The following PGCKA1 variants were observed in gnomAD, a reference collection of about 807,000 sequenced individuals.
The protein encoded by PGCKA1 is PDCD10 and GCKIII kinases-associated protein 1.
the PGCKA1 span, among the ~76,000 whole-genome samples, chr4:37,563,006 T>G: frequency 2.0e-5 from 3 of 152,214 alleles, no homozygotes; most frequent in African/African-American, 7.2e-5. Context: ...CTATTTTTAC[T>G]GTACTTTAAA....
At chr4:37,590,464 C>T in the PGCKA1 span, 1 of 1,610,720 alleles carries the variant, frequency 6.2e-7, no homozygotes, top group African/African-American at 1.3e-5. Flanking sequence ...TCAACCCTTC[C>T]TGGAAGGAGG....
At chr4:37,538,397 A>G in the PGCKA1 span, among the ~76,000 whole-genome samples, 2 of 152,260 alleles carry the variant, frequency 1.3e-5, no homozygotes, top group African/African-American at 2.4e-5. Context: ...GATAAAATCC[A>G]AAGGGCATTG....
At chr4:37,509,265 C>A in the PGCKA1 span, among the ~76,000 whole-genome samples, 5 of 129,896 alleles carry the variant, frequency 3.8e-5, 1 homozygote, top group Non-Finnish European at 8.3e-5. Flanking sequence ...CAGGCAGAGG[C>A]GCCCCCCACC....
chr4:37,462,962 CAAAAAAAAAA>C, the PGCKA1 span, among the ~76,000 whole-genome samples: 1 of 60,318 alleles, frequency 1.7e-5, no homozygotes, highest in Non-Finnish European at 3.1e-5. Context: ...GACTCAGTAT[CAAAAAAAAAA>C]AAAAAAAAAA....
chr4:37,561,103 G>C, the PGCKA1 span, among the ~76,000 whole-genome samples: 3 of 152,130 alleles, frequency 2.0e-5, no homozygotes, highest in African/African-American at 7.2e-5. Flanking sequence ...TCCTTGATAT[G>C]AAATTCAGGT....
chr4:37,556,314 C>T, the PGCKA1 span, among the ~76,000 whole-genome samples: 70 of 152,000 alleles, frequency 4.6e-4, no homozygotes, highest in African/African-American at 1.6e-3. Flanking sequence ...GTTGCCCAGG[C>T]AGGAGTGCAG....
At chr4:37,515,339 C>T in the PGCKA1 span, among the ~76,000 whole-genome samples, 1 of 152,120 alleles carries the variant, frequency 6.6e-6, no homozygotes, top group Admixed American at 6.6e-5. Context: ...ATCTATGGTA[C>T]TTTATTACAG....
chr4:37,517,199 C>T, the PGCKA1 span, among the ~76,000 whole-genome samples: 1 of 150,404 alleles, frequency 6.6e-6, no homozygotes, highest in African/African-American at 2.4e-5. Context: ...TGCAGTGAGC[C>T]GAGATCATGC....
chr4:37,546,790 C>T, the PGCKA1 span, among the ~76,000 whole-genome samples: 9 of 152,232 alleles, frequency 5.9e-5, no homozygotes, highest in African/African-American at 1.2e-4. Context: ...CTGAGTGACG[C>T]GATCCAAAGA....
the PGCKA1 span, among the ~76,000 whole-genome samples, chr4:37,543,632 G>C: frequency 6.6e-6 from 1 of 150,994 alleles, no homozygotes; most frequent in Non-Finnish European, 1.5e-5. Flanking sequence ...ACGAGGTCAG[G>C]AGATTGAGAC....
At chr4:37,476,952 A>C in the PGCKA1 span, among the ~76,000 whole-genome samples, 3 of 152,150 alleles carry the variant, frequency 2.0e-5, no homozygotes, top group Non-Finnish European at 2.9e-5. Context: ...TGCTGGTGGG[A>C]ATGTAATATG....
chr4:37,506,926 C>T, the PGCKA1 span, among the ~76,000 whole-genome samples: 1 of 152,096 alleles, frequency 6.6e-6, no homozygotes, highest in African/African-American at 2.4e-5. Context: ...CTCTCTTTAG[C>T]TCTAATAATA....
At chr4:37,535,174 G>A in the PGCKA1 span, among the ~76,000 whole-genome samples, 29 of 152,302 alleles carry the variant, frequency 1.9e-4, no homozygotes, top group African/African-American at 6.0e-4. Context: ...AGAGAAGGCT[G>A]TCCATGGACA....
At chr4:37,557,124 A>G in the PGCKA1 span, among the ~76,000 whole-genome samples, 1 of 152,272 alleles carries the variant, frequency 6.6e-6, no homozygotes, top group African/African-American at 2.4e-5. Flanking sequence ...TCTAATAATC[A>G]TGGAGAAGTG....
chr4:37,567,435 A>G, the PGCKA1 span, among the ~76,000 whole-genome samples: 1 of 152,228 alleles, frequency 6.6e-6, no homozygotes, highest in Non-Finnish European at 1.5e-5. Flanking sequence ...CATAAACTGT[A>G]ACTATCATCA....
At chr4:37,479,898 A>C in the PGCKA1 span, among the ~76,000 whole-genome samples, 1 of 152,360 alleles carries the variant, frequency 6.6e-6, no homozygotes, top group Admixed American at 6.5e-5. Flanking sequence ...CAATAGGCAG[A>C]TCAGTCAGAA....
At chr4:37,580,849 G>T in the PGCKA1 span, among the ~76,000 whole-genome samples, 219 of 152,322 alleles carry the variant, frequency 1.4e-3, 2 homozygotes, top group African/African-American at 5.1e-3. Flanking sequence ...AGGGTGACAA[G>T]ATACCCCAGG....
chr4:37,463,454 G>C, the PGCKA1 span, among the ~76,000 whole-genome samples: 1 of 152,164 alleles, frequency 6.6e-6, no homozygotes, highest in South Asian at 2.1e-4. Context: ...CCAGGATTTG[G>C]TTTTGGCAAA....
chr4:37,556,585 G>A, the PGCKA1 span, among the ~76,000 whole-genome samples: 5 of 152,052 alleles, frequency 3.3e-5, no homozygotes, highest in South Asian at 4.1e-4. Flanking sequence ...TTTTTCATCC[G>A]ATATGATTCC....
Sources: allele counts gnomAD v4.1 joint callset (sites outside exome capture counted in the v4.1 genomes callset), GRCh38; gene constraint gnomAD v4.1.1; transcripts MANE v1.5; gene names NCBI Gene and HGNC (gene_info 2026-07-23, HGNC 2026-07-21).